NRXN3: variants seen among roughly 807,000 people sequenced by gnomAD.
NRXN3 encodes neurexin 3, also known as neurexin III.
In NRXN3, 32 loss-of-function variants were observed where a neutral mutation model predicts 137.6. The ratio of observed to expected loss-of-function variants is 0.23; its 90% CI spans 0.18 to 0.31. NRXN3 has a LOEUF of 0.31. Ranked by LOEUF, NRXN3 falls within the 10% of genes least tolerant of loss-of-function variation. The pLI is 1.00. For missense variants in NRXN3, 1,574 were observed against 2,062.5 expected, an observed-to-expected ratio of 0.76 and a Z score of 4.59; for synonymous variants, 798 against 784.5, an observed-to-expected ratio of 1.02 and a Z score of -0.29.
In NRXN3 at chr14:79,647,417, C is replaced by T. The variant is rs149772102; in HGVS notation, c.3445-16361C>T. 1.7e-3 allele frequency among the ~76,000 whole-genome samples: 227 copies of T among 135,744 alleles called. 15 individuals carry two copies. The highest frequency in any genetic ancestry group is 5.0e-3 in the African/African-American group (205 of 40,862). The allele number at this position is 135,744 out of a possible 152,430, so 89.1% of individuals were successfully genotyped here. ...TACGGAACGGTCTGCTGTCATGCAA[C>T]TTTCAAATAATGCATTTTATTATCA... On this transcript the variant is annotated intron_variant, in intron 16 of 20. Coordinates refer to ENST00000335750, the MANE Select transcript of NRXN3 (RefSeq NM_001330195.2).
chr14:79,337,874 A>G (rs1319450658), intron 15 of NRXN3, among the ~76,000 whole-genome samples: 2 of 152,028 alleles, frequency 1.3e-5, no homozygotes, highest in African/African-American at 4.8e-5. Flanking sequence ...CTTTAAATAA[A>G]TTTTGCAAAC....
At chr14:78,384,117 G>A (rs565402258) in intron 4 of NRXN3, among the ~76,000 whole-genome samples, 2 of 152,192 alleles carry the variant, frequency 1.3e-5, no homozygotes, top group Non-Finnish European at 2.9e-5. Context: ...CAGAGGAGCA[G>A]GTGTTGAAAA....
intron 16 of NRXN3, among the ~76,000 whole-genome samples, chr14:79,507,106 T>G (rs970851619): frequency 1.3e-5 from 2 of 152,334 alleles, no homozygotes; most frequent in East Asian, 3.9e-4. Flanking sequence ...GAAGATATTT[T>G]CTGGCTCTGT....
At chr14:78,343,203 C>T (rs2082330787) in intron 4 of NRXN3, among the ~76,000 whole-genome samples, 1 of 152,174 alleles carries the variant, frequency 6.6e-6, no homozygotes, top group East Asian at 1.9e-4. Flanking sequence ...AATTTTGCTT[C>T]TACCATTTGG....
chr14:79,252,173 C>G (rs996043406), intron 15 of NRXN3, among the ~76,000 whole-genome samples: 50 of 152,202 alleles, frequency 3.3e-4, no homozygotes, highest in African/African-American at 1.1e-3. Context: ...AATCAGATGC[C>G]TCCAATTCCA....
intron 4 of NRXN3, among the ~76,000 whole-genome samples, chr14:78,409,354 T>A (rs1035745082): frequency 2.0e-5 from 3 of 152,218 alleles, no homozygotes; most frequent in Non-Finnish European, 4.4e-5. Context: ...TCTTGTTAAG[T>A]GTCTTGCCTG....
In NRXN3 at chr14:78,535,150, A is replaced by G. The variant is rs2096522294; in HGVS notation, c.758-109970A>G. On this transcript the variant is annotated intron_variant, in intron 4 of 20. Coordinates refer to ENST00000335750, the MANE Select transcript of NRXN3 (RefSeq NM_001330195.2). ...CTTATCTTTTAATTGAAAAAAAAAA[A>G]AAAGCCTTCCATTTCCCTCAGGTAG... Among the ~76,000 whole-genome samples the G allele has an allele frequency of 7.2e-5, 11 of 151,928 alleles. No homozygotes were observed. In the South Asian group the frequency reaches 2.3e-3, roughly 32 times the overall value.
chr14:79,057,664 G>A (rs1289014763), intron 15 of NRXN3, among the ~76,000 whole-genome samples: 2 of 152,176 alleles, frequency 1.3e-5, no homozygotes, highest in Non-Finnish European at 2.9e-5. Context: ...ACTGAAAAAT[G>A]GCAAGTCCAT....
rs922669891 is a variant in NRXN3, at chr14:79,232,256, G to A, written c.3263-234965G>A. Among the ~76,000 whole-genome samples the A allele has an allele frequency of 2.0e-5, 3 of 151,918 alleles. 1 individual carries two copies. Among genetic ancestry groups the A allele is most frequent in the South Asian group, 4.1e-4 (2 of 4,824 alleles). On this transcript the variant is annotated intron_variant, in intron 15 of 20. Coordinates refer to ENST00000335750, the MANE Select transcript of NRXN3 (RefSeq NM_001330195.2). Reference sequence around the variant, plus strand: ...TTGCCACGTCTTTGTGTGTGTGCGCGCGCACGTGTGTGTGTGTGTATGTGT... The same window carrying A: ...TTGCCACGTCTTTGTGTGTGTGCGCACGCACGTGTGTGTGTGTGTATGTGT...
intron 4 of NRXN3, among the ~76,000 whole-genome samples, chr14:78,453,583 G>A (rs920172409): frequency 2.6e-5 from 4 of 152,314 alleles, no homozygotes; most frequent in East Asian, 1.9e-4. Context: ...ATAAGAAAGA[G>A]CATCCTACTT....
chr14:78,439,270 T>TAGAGA (rs1169192435), intron 4 of NRXN3, among the ~76,000 whole-genome samples: 1 of 151,982 alleles, frequency 6.6e-6, no homozygotes, highest in Non-Finnish European at 1.5e-5. Flanking sequence ...GAGGAAAAGG[T>TAGAGA]AGAGAAAAGC....
chr14:78,797,848 C>A (rs921278231), intron 8 of NRXN3, among the ~76,000 whole-genome samples: 2 of 152,068 alleles, frequency 1.3e-5, no homozygotes, highest in East Asian at 1.9e-4. Context: ...GAGAGCCAGG[C>A]AAAAGGGGTT....
At chr14:78,365,197 AT>A (rs1012580595) in intron 4 of NRXN3, among the ~76,000 whole-genome samples, 16 of 151,690 alleles carry the variant, frequency 1.1e-4, no homozygotes, top group South Asian at 6.2e-4. Context: ...GGCTCTGTAT[AT>A]TTTTTTTGGA....
chr14:78,945,310 G>A (rs1323754820), intron 10 of NRXN3, among the ~76,000 whole-genome samples: 3 of 151,822 alleles, frequency 2.0e-5, no homozygotes, highest in Non-Finnish European at 2.9e-5. Flanking sequence ...ATCATTTTCT[G>A]TATATGTTTC....
At chr14:79,270,297 C>G (rs562072002) in intron 15 of NRXN3, among the ~76,000 whole-genome samples, 2 of 152,038 alleles carry the variant, frequency 1.3e-5, no homozygotes, top group Non-Finnish European at 2.9e-5. Context: ...TTTGGAGGTT[C>G]CCCCACCACA....
At chr14:79,752,620 A>G (rs2154091136) in intron 19 of NRXN3, among the ~76,000 whole-genome samples, 1 of 152,342 alleles carries the variant, frequency 6.6e-6, no homozygotes, top group East Asian at 1.9e-4. Context: ...AAACCCTAGA[A>G]GAAAACCAAG....
At position 79,281,223 on chromosome 14, in the gene NRXN3, A is replaced by G. The variant is rs1443931850; in HGVS notation, c.3263-185998A>G. 2.0e-5 allele frequency among the ~76,000 whole-genome samples: 3 copies of G among 152,202 alleles called. 1 individual carries two copies. The highest frequency in any genetic ancestry group is 1.9e-4 in the East Asian group (1 of 5,182). On this transcript the variant is annotated intron_variant, in intron 15 of 20. Coordinates refer to ENST00000335750, the MANE Select transcript of NRXN3 (RefSeq NM_001330195.2). ...ATGTAAGATAAGGCTAAGTTCATTT[A>G]TAATTTACCCAAGTGTAAATGACAG...
intron 15 of NRXN3, among the ~76,000 whole-genome samples, chr14:79,107,833 G>C (rs1217249036): frequency 6.6e-6 from 1 of 152,020 alleles, no homozygotes; most frequent in Non-Finnish European, 1.5e-5. Flanking sequence ...TTTTAGGTTA[G>C]TATTTATATT....
intron 16 of NRXN3, among the ~76,000 whole-genome samples, chr14:79,502,903 A>T (rs1243287027): frequency 6.6e-6 from 1 of 152,004 alleles, no homozygotes; most frequent in Admixed American, 6.6e-5. Flanking sequence ...GGCATCAAAG[A>T]ATGAATCAGA....
Sources: gnomAD v4.1 joint callset for allele counts (sites outside exome capture counted in the v4.1 genomes callset) on GRCh38, gnomAD v4.1.1 for gene constraint, MANE v1.5 for transcripts, NCBI Gene and HGNC (gene_info 2026-07-23, HGNC 2026-07-21) for gene names.